The following KIF1B variants were observed in gnomAD, a reference collection of about 807,000 sequenced individuals.
The protein encoded by KIF1B is kinesin family member 1B, also known as kinesin-like protein KIF1B.
KIF1B carries 76 observed loss-of-function variants against 241.9 expected under a neutral mutation model. That is an observed-to-expected ratio of 0.31 (90% CI 0.26 to 0.38). The LOEUF is 0.38. KIF1B is among the 10% of genes least tolerant of loss of function. KIF1B has a pLI of 1.00. For synonymous variants in KIF1B, 750 were observed against 796.7 expected, an observed-to-expected ratio of 0.94 and a Z score of 0.99; for missense variants, 1,622 against 2,271.4, an observed-to-expected ratio of 0.71 and a Z score of 5.81.
Position 10,283,470 on chromosome 1 carries a change from C to G in KIF1B, c.1434+937C>G, listed in dbSNP as rs79542892. Reference sequence around the variant, plus strand: ...TTTCCCAGCCCCTTGCTGGCTCTGTCAGGTTCGATCTTATCTCTTTGTATG... The same window carrying G: ...TTTCCCAGCCCCTTGCTGGCTCTGTGAGGTTCGATCTTATCTCTTTGTATG... On this transcript the variant is annotated intron_variant, in intron 15 of 48. Transcript: ENST00000676179. Among the ~76,000 whole-genome samples the G allele has an allele frequency of 7.9e-3, 1,206 of 152,310 alleles. 7 individuals are homozygous for G. The highest frequency in any genetic ancestry group is 0.012 in the Non-Finnish European group (848 of 68,026).
chr1:10,257,488 G>A (rs1569595230), intron 3 of KIF1B, among the ~76,000 whole-genome samples: 1 of 149,584 alleles, frequency 6.7e-6, no homozygotes, highest in African/African-American at 2.5e-5. Context: ...AAAAAAAAAA[G>A]GAAAGAGGCT....
chr1:10,302,310 A>T (rs1480432987), intron 22 of KIF1B, among the ~76,000 whole-genome samples: 1 of 147,988 alleles, frequency 6.8e-6, no homozygotes, highest in African/African-American at 2.5e-5. Flanking sequence ...AGGATCCTTT[A>T]AAAAAAAAGC....
chr1:10,347,611 G>A (rs1652632605), intron 35 of KIF1B, 150 bp from the exon 36 acceptor site: 2 of 672,264 alleles, frequency 3.0e-6, no homozygotes, highest in African/African-American at 3.5e-5. Flanking sequence ...TGTGTGGAAA[G>A]GATGAGTAAA....
At chr1:10,273,398 ACAAAAATTAGCTGGGTGTG>A (rs1648907511) in intron 10 of KIF1B, among the ~76,000 whole-genome samples, 3 of 152,304 alleles carry the variant, frequency 2.0e-5, no homozygotes, top group Non-Finnish European at 4.4e-5. Flanking sequence ...TACTAAAAAT[ACAAAAATTAGCTGGGTGTG>A]GTAGCGCGTG....
chr1:10,358,683 C>CA (rs767246662), intron 38 of KIF1B, among the ~76,000 whole-genome samples: 16,817 of 78,810 alleles, frequency 0.21, 1,175 homozygotes, highest in South Asian at 0.28. Context: ...GACTCTGTCT[C>CA]AAAAAAAAAA....
chr1:10,289,611 C>T (rs1267931030), intron 15 of KIF1B, among the ~76,000 whole-genome samples: 3 of 152,076 alleles, frequency 2.0e-5, no homozygotes, highest in Admixed American at 6.5e-5. Context: ...TGGCGGGGCA[C>T]GGTGGCTCAC....
At chr1:10,222,339 C>T (rs541867778) in intron 1 of KIF1B, among the ~76,000 whole-genome samples, 1 of 152,026 alleles carries the variant, frequency 6.6e-6, no homozygotes, top group South Asian at 2.1e-4. Context: ...GAGAAGAAGG[C>T]TTAGAGTTGG....
At chr1:10,322,281 T>C (rs1475476780) in intron 24 of KIF1B, among the ~76,000 whole-genome samples, 7 of 152,158 alleles carry the variant, frequency 4.6e-5, no homozygotes, top group South Asian at 2.1e-4. Context: ...GACAAGCACA[T>C]GCACCCTGGA....
chr1:10,339,875 C>T lies in KIF1B; in HGVS notation c.3513+16C>T. Reference sequence around the variant, plus strand: ...TGTGCAGAATGTAAGTGACATGGACCTTTTTGCCAAACATATGTTTTTCTG... The same window carrying T: ...TGTGCAGAATGTAAGTGACATGGACTTTTTTGCCAAACATATGTTTTTCTG... On this transcript the variant is annotated intron_variant, in intron 32 of 48. Transcript: ENST00000676179. The T allele has an allele frequency of 6.2e-7, 1 of 1,605,576 alleles. No individual in the cohort carries two copies. The highest frequency in any genetic ancestry group is 8.5e-7 in the Non-Finnish European group (1 of 1,172,398).
chr1:10,243,814 A>T (rs1647170441), intron 2 of KIF1B, among the ~76,000 whole-genome samples: 1 of 152,182 alleles, frequency 6.6e-6, no homozygotes, highest in South Asian at 2.1e-4. Flanking sequence ...GATGGAGGGA[A>T]ATTATGAGGA....
chr1:10,323,990 G>T lies in KIF1B; in HGVS notation c.2465G>T (p.Arg822Leu). The stretch of plus-strand genomic sequence containing the variant: ...ACTCATGAGGACAGGCCTTTCCCTC[G>T]CACAGTGGTAGCAGTAGAAGTCCAG... ...EKTHEDRPFP[R>L]TVVAVEVQDL... Residue 822 changes from arginine (R) to leucine (L), a missense_variant, in exon 25 of 49, where the codon CGC becomes CTC. Arg to Leu is a moderately radical substitution (Grantham distance 102). Coordinates refer to ENST00000676179, the MANE Select transcript of KIF1B (RefSeq NM_001365951.3). 3 of 1,614,010 alleles carry T rather than the reference G, an allele frequency of 1.9e-6. No homozygotes were observed. The highest frequency in any genetic ancestry group is 2.5e-6 in the Non-Finnish European group (3 of 1,179,976).
At chr1:10,250,307 G>C (rs957569152) in intron 2 of KIF1B, among the ~76,000 whole-genome samples, 3 of 151,400 alleles carry the variant, frequency 2.0e-5, no homozygotes, top group Non-Finnish European at 4.4e-5. Flanking sequence ...CATACCCAAG[G>C]TCGTAAAAAA....
At position 10,303,931 on chromosome 1, in the gene KIF1B, C is replaced by T. The variant is rs755551935; in HGVS notation, c.2115+6685C>T. On this transcript the variant is annotated intron_variant, in intron 22 of 48. Coordinates refer to ENST00000676179, the MANE Select transcript of KIF1B (RefSeq NM_001365951.3). This position sits in a 1 kb window ranked among gnomAD's most constrained non-coding sequence, Gnocchi z 5.2. The stretch of plus-strand genomic sequence containing the variant: ...GATGAATGGGGATCCAGCTTTTAGA[C>T]GTGGACGTCTGCGCTGGATGAGGCA... 5 of 1,614,144 alleles carry T rather than the reference C, an allele frequency of 3.1e-6. No individual in the cohort carries two copies. Among genetic ancestry groups the T allele is most frequent in the Admixed American group, 1.7e-5 (1 of 60,006 alleles).
chr1:10,228,932 C>T (rs1468608285), intron 1 of KIF1B, among the ~76,000 whole-genome samples: 1 of 152,064 alleles, frequency 6.6e-6, no homozygotes, highest in East Asian at 1.9e-4. Context: ...GTATCGGGGC[C>T]TGGGAGAATA....
intron 31 of KIF1B, among the ~76,000 whole-genome samples, chr1:10,339,283 G>A (rs931838640): frequency 6.6e-6 from 1 of 152,124 alleles, no homozygotes; most frequent in Non-Finnish European, 1.5e-5. Flanking sequence ...AACATTACTA[G>A]TAATGTGGGA....
rs184154147 is a variant in KIF1B at position 10,272,456 on chromosome 1, A to G, written c.864+150A>G. ...TTTAGAGCTTTTCAGATAAGATACT[A>G]GGTATAACACAGTTTGACTTTGTAC... On this transcript the variant is annotated intron_variant, in intron 9 of 48. Transcript: ENST00000676179. The G allele has an allele frequency of 2.6e-5, 18 of 697,708 alleles. No homozygotes were observed. In the Admixed American group the frequency reaches 3.4e-4, roughly 13 times the overall value. The allele number at this position is 697,708 out of a possible 1,614,324, so 43.2% of individuals were successfully genotyped here. A position where few individuals can be genotyped will look rare whatever the true frequency, so the allele number is the denominator to read the frequency against.
intron 12 of KIF1B, 81 bp downstream of exon 12, chr1:10,276,480 C>A: frequency 3.3e-6 from 3 of 899,676 alleles, no homozygotes; most frequent in Non-Finnish European, 5.5e-6. Flanking sequence ...TGTTTTTATG[C>A]TATCTGGGTA....
At chr1:10,315,619 T>G (rs1341072516) in intron 22 of KIF1B, among the ~76,000 whole-genome samples, 1 of 151,636 alleles carries the variant, frequency 6.6e-6, no homozygotes, top group Non-Finnish European at 1.5e-5. Context: ...TAATCCAAGA[T>G]CCAGTCAAGG....
chr1:10,344,538 T>C (rs1652520431), intron 34 of KIF1B, among the ~76,000 whole-genome samples: 1 of 152,216 alleles, frequency 6.6e-6, no homozygotes, highest in Non-Finnish European at 1.5e-5. Context: ...TTATGGATTC[T>C]TTGCAATAGT....
Sources: gnomAD v4.1 joint callset for allele counts (sites outside exome capture counted in the v4.1 genomes callset) on GRCh38, gnomAD v4.1.1 for gene constraint, Gnocchi (gnomAD v3.1) non-coding constraint, MANE v1.5 for transcripts, NCBI Gene and HGNC (gene_info 2026-07-23, HGNC 2026-07-21) for gene names.